Variants in PINX1 observed in about 807,000 individuals in gnomAD.
The protein encoded by PINX1 is PIN2/TERF1-interacting telomerase inhibitor 1.
PINX1 carries 34 observed loss-of-function variants against 25.4 expected under a neutral mutation model. The observed-to-expected ratio is 1.34, with a 90% CI of 1.02 to 1.78. The LOEUF (loss-of-function observed/expected upper bound fraction) is 1.78. Ranked by LOEUF, PINX1 falls within the 40% of genes most tolerant of loss-of-function variation. PINX1 has a pLI of 0.00. For synonymous variants in PINX1, 197 were observed against 147.7 expected (o/e 1.33, Z -2.42); for missense variants, 592 against 404.9 (o/e 1.46, Z -3.97).
chr8:10,818,060 C>A (rs1797754567), intron 6 of PINX1, among the ~76,000 whole-genome samples: 1 of 152,140 alleles, frequency 6.6e-6, no homozygotes, highest in Non-Finnish European at 1.5e-5. Context: ...TTAGGCAATG[C>A]CAGGACGACC....
At chr8:10,806,754 C>A (rs1223000564) in intron 6 of PINX1, among the ~76,000 whole-genome samples, 1 of 152,102 alleles carries the variant, frequency 6.6e-6, no homozygotes, top group Admixed American at 6.5e-5. Context: ...TGCCGGCAGG[C>A]CCTAGGATGC....
chr8:10,837,269 G>A (rs1407888845), intron 1 of PINX1, among the ~76,000 whole-genome samples: 3 of 152,172 alleles, frequency 2.0e-5, no homozygotes, highest in African/African-American at 7.2e-5. Context: ...TAGCTTCCCT[G>A]GTGGGCAACA....
chr8:10,825,397 C>G (rs376152593), intron 5 of PINX1: 1 of 534,804 alleles, frequency 1.9e-6, no homozygotes, highest in Non-Finnish European at 3.8e-6. Flanking sequence ...CATCATCACG[C>G]TTCTTATGTA....
chr8:10,791,459 C>T (rs186193273), intron 6 of PINX1, among the ~76,000 whole-genome samples: 7 of 152,174 alleles, frequency 4.6e-5, no homozygotes, highest in East Asian at 3.9e-4. Context: ...GGCTCCTGGC[C>T]GTGACGAGGG....
intron 6 of PINX1, among the ~76,000 whole-genome samples, chr8:10,787,184 A>G (rs989956959): frequency 1.3e-5 from 2 of 151,842 alleles, no homozygotes; most frequent in African/African-American, 4.8e-5. Context: ...ATTTACATAT[A>G]TATACACACA....
At chr8:10,836,227 G>T (rs1586216556) in intron 1 of PINX1, among the ~76,000 whole-genome samples, 1 of 151,902 alleles carries the variant, frequency 6.6e-6, no homozygotes, top group Middle Eastern at 3.4e-3. Context: ...TACACAGGCA[G>T]AAAAAAAGGC....
intron 6 of PINX1, among the ~76,000 whole-genome samples, chr8:10,801,884 C>A (rs974608845): frequency 8.5e-5 from 13 of 152,126 alleles, no homozygotes; most frequent in African/African-American, 2.9e-4. Context: ...ATCGTCCTGG[C>A]CCCATGAGAG....
intron 6 of PINX1, among the ~76,000 whole-genome samples, chr8:10,782,491 T>G (rs1172149087): frequency 6.6e-6 from 1 of 151,938 alleles, no homozygotes; most frequent in African/African-American, 2.4e-5. Flanking sequence ...ATCCTAGCAC[T>G]TTGGGAGGCC....
At chr8:10,829,367 T>C (rs1283077892) in intron 4 of PINX1, among the ~76,000 whole-genome samples, 1 of 152,120 alleles carries the variant, frequency 6.6e-6, no homozygotes, top group African/African-American at 2.4e-5. Context: ...GTAAATTTTC[T>C]GGCCTTAATC....
chr8:10,800,790 T>G (rs1303531982), intron 6 of PINX1, among the ~76,000 whole-genome samples: 1 of 152,222 alleles, frequency 6.6e-6, no homozygotes, highest in Non-Finnish European at 1.5e-5. Flanking sequence ...TAAAATTTCT[T>G]AATGTTACAC....
intron 6 of PINX1, among the ~76,000 whole-genome samples, chr8:10,796,269 T>C (rs1471955817): frequency 6.6e-6 from 1 of 152,180 alleles, no homozygotes; most frequent in Non-Finnish European, 1.5e-5. Context: ...AACTTCCATC[T>C]GAAGTCAAAG....
intron 6 of PINX1, among the ~76,000 whole-genome samples, chr8:10,814,878 G>A (rs1014841495): frequency 2.6e-4 from 39 of 152,162 alleles, no homozygotes; most frequent in Admixed American, 1.7e-3. Flanking sequence ...TAAGGTGTTC[G>A]CTAGCCAGTG....
intron 6 of PINX1, among the ~76,000 whole-genome samples, chr8:10,766,578 G>A (rs929262451): frequency 2.0e-4 from 30 of 152,182 alleles, no homozygotes; most frequent in African/African-American, 6.8e-4. Flanking sequence ...AGGCCAGCTT[G>A]GGGGCTTCTT....
At chr8:10,792,130 G>T (rs1159424303) in intron 6 of PINX1, among the ~76,000 whole-genome samples, 1 of 152,198 alleles carries the variant, frequency 6.6e-6, no homozygotes, top group African/African-American at 2.4e-5. Flanking sequence ...TAGAGACCTA[G>T]AGAATTATCC....
intron 4 of PINX1, among the ~76,000 whole-genome samples, chr8:10,829,589 A>G (rs571587577): frequency 4.6e-5 from 7 of 152,344 alleles, no homozygotes; most frequent in African/African-American, 1.7e-4. Context: ...AAGTCAGACC[A>G]GGATTAAAAT....
chr8:10,765,702 T>C lies in PINX1; in HGVS notation c.686A>G (p.Gln229Arg). The part of the protein sequence containing the change: ...ATGKDVESYL[Q>R]PKAKRHTEGK... ...CTCCGTGTGCCTCTTGGCCTTAGGCTGGAGGTAACTTTCCACATCTTTACC... is the reference window on the plus strand; with the variant it reads ...CTCCGTGTGCCTCTTGGCCTTAGGCCGGAGGTAACTTTCCACATCTTTACC... The change falls in exon 7 of 7, where the codon CAG becomes CGG. Residue 229 changes from glutamine (Q) to arginine (R), a missense_variant. Coordinates refer to ENST00000314787, the MANE Select transcript of PINX1 (RefSeq NM_017884.6). 6.2e-7 allele frequency: 1 copy of C among 1,614,064 alleles called. No homozygotes were observed. The highest frequency in any genetic ancestry group is 8.5e-7 in the Non-Finnish European group (1 of 1,179,898).
chr8:10,828,294 C>T (rs1050201861), intron 4 of PINX1, among the ~76,000 whole-genome samples: 3 of 152,206 alleles, frequency 2.0e-5, no homozygotes, highest in Admixed American at 2.0e-4. Context: ...ATTTTCAATG[C>T]TGATGTTCCA....
chr8:10,770,666 T>C (rs1468840243), intron 6 of PINX1, among the ~76,000 whole-genome samples: 8 of 152,198 alleles, frequency 5.3e-5, no homozygotes, highest in Admixed American at 5.2e-4. Flanking sequence ...TTCTCCATTA[T>C]TCTCAAAAGA....
intron 6 of PINX1, among the ~76,000 whole-genome samples, chr8:10,814,550 T>C (rs1023522852): frequency 8.5e-5 from 13 of 152,334 alleles, no homozygotes; most frequent in African/African-American, 3.1e-4. Flanking sequence ...TTTAAAAACA[T>C]AAAATGGTGT....
Sources: gnomAD v4.1 joint callset for allele counts (sites outside exome capture counted in the v4.1 genomes callset) on GRCh38, gnomAD v4.1.1 for gene constraint, MANE v1.5 for transcripts, NCBI Gene and HGNC (gene_info 2026-07-23, HGNC 2026-07-21) for gene names.